Variants in MYH8 observed in about 807,000 individuals in gnomAD.
MYH8 encodes myosin-8.
MYH8 carries 168 observed loss-of-function variants against 233.2 expected under a neutral mutation model. That is an observed-to-expected ratio of 0.72 (90% CI 0.64 to 0.82). The LOEUF is 0.82. Ranked by LOEUF, MYH8 falls within the 40% of genes least tolerant of loss-of-function variation. MYH8 has a pLI of 0.00. For missense variants in MYH8, 1,995 were observed against 2,327.8 expected (o/e 0.86, Z 2.94); for synonymous variants, 785 against 850.6 (o/e 0.92, Z 1.34).
intron 34 of MYH8, among the ~76,000 whole-genome samples, chr17:10,394,832 A>G (rs1362651175): frequency 6.6e-6 from 1 of 152,194 alleles, no homozygotes; most frequent in Non-Finnish European, 1.5e-5. Flanking sequence ...AGGTTAAGTA[A>G]TTTGCTTAAA....
chr17:10,404,593 G>A lies in MYH8; in HGVS notation c.2433-8C>T, dbSNP rs1234520640. ...ATGCAGAAAAGTGCTTCTCTGCGATGACATGAAAATATCAGTGTAGACTAA... is the reference window on the plus strand; with the variant it reads ...ATGCAGAAAAGTGCTTCTCTGCGATAACATGAAAATATCAGTGTAGACTAA... On this transcript the variant is annotated splice_region_variant and splice_polypyrimidine_tract_variant and intron_variant, in intron 21 of 39. Coordinates refer to ENST00000403437, the MANE Select transcript of MYH8 (RefSeq NM_002472.3). 3.7e-6 allele frequency: 6 copies of A among 1,613,698 alleles called. No homozygotes were observed. The highest frequency in any genetic ancestry group is 1.7e-6 in the Non-Finnish European group (2 of 1,179,774).
chr17:10,409,611 G>T (rs763097850), intron 15 of MYH8, 23 bp from the exon 16 acceptor site: 1 of 1,613,618 alleles, frequency 6.2e-7, no homozygotes, highest in Admixed American at 1.7e-5. Context: ...AAGTAACATT[G>T]GTGTCAACCT....
chr17:10,418,892 T>C lies in MYH8; in HGVS notation c.349A>G (p.Ile117Val). ...AGGTGTTTACAGACACTCACGTAGA[T>C]CATCCAGGCTGCATAGCGCTCTTTG... is the stretch of plus-strand genomic sequence containing the variant. Reference protein sequence around the residue: ...NLKERYAAWMIYTYSGLFCVT... With the variant: ...NLKERYAAWMVYTYSGLFCVT... The change falls in exon 4 of 40, where the codon ATC becomes GTC. Residue 117 changes from isoleucine to valine, a missense_variant. Transcript: ENST00000403437. 6.2e-7 allele frequency: 1 copy of C among 1,614,076 alleles called. No homozygotes were observed.
chr17:10,415,819 C>T lies in MYH8; in HGVS notation c.512-111G>A, dbSNP rs963758652. 1.5e-6 allele frequency: 2 copies of T among 1,295,514 alleles called. No individual in the cohort carries two copies. The highest frequency in any genetic ancestry group is 2.5e-5 in the East Asian group (1 of 39,648). 80.3% of individuals were successfully genotyped at this position (1,295,514 alleles called of 1,614,324 possible). On this transcript the variant is annotated intron_variant, in intron 5 of 39. Coordinates refer to ENST00000403437, the MANE Select transcript of MYH8 (RefSeq NM_002472.3). This position sits in a 1 kb window ranked among gnomAD's most constrained non-coding sequence, Gnocchi z 4.1. Reference sequence around the variant, plus strand: ...TCTTTTTAACTTTTTGAAGATGTCACCTTTGGTTTTGATTTTGTGTTTATC... The same window carrying T: ...TCTTTTTAACTTTTTGAAGATGTCATCTTTGGTTTTGATTTTGTGTTTATC...
In MYH8 at chr17:10,420,017, C is replaced by T. The variant is rs777926459; in HGVS notation, c.210+1G>A. 12 of 1,613,682 alleles carry T rather than the reference C, an allele frequency of 7.4e-6. No homozygotes were observed. The highest frequency in any genetic ancestry group is 5.0e-5 in the Admixed American group (3 of 60,014). On this transcript the variant is annotated splice_donor_variant, in intron 3 of 39. Transcript: ENST00000403437. LOFTEE classifies it high-confidence loss of function. ...AGTATTTTCTCCCTGTTTTCACTTACTGCTCCACCTTCAGTCTTTACGGTT... is the reference window on the plus strand; with the variant it reads ...AGTATTTTCTCCCTGTTTTCACTTATTGCTCCACCTTCAGTCTTTACGGTT...
rs2072083896 is a variant in MYH8, at chr17:10,396,835, C to T, written c.4330G>A (p.Ala1444Thr). ...DVERSNAACA[A>T]LDKKQRNFDK... ...AAGTTCCTTTGCTTCTTATCAAGGGCTGCACAGGCTGCATTAGACCTTTCC... is the reference window on the plus strand; with the variant it reads ...AAGTTCCTTTGCTTCTTATCAAGGGTTGCACAGGCTGCATTAGACCTTTCC... The change falls in exon 31 of 40, where the codon GCC becomes ACC. Residue 1444 changes from alanine to threonine, a missense_variant. Transcript: ENST00000403437. The surrounding 1 kb of genome is among the most constrained non-coding windows in gnomAD (Gnocchi z 4.2). The T allele has an allele frequency of 6.2e-7, 1 of 1,614,110 alleles. No homozygotes were observed. The highest frequency in any genetic ancestry group is 1.7e-5 in the Admixed American group (1 of 60,008).
rs1292005101 is a variant in MYH8 at position 10,391,978 on chromosome 17, C to T, written c.5569-1G>A. 2 of 1,613,496 alleles carry T rather than the reference C, an allele frequency of 1.2e-6. No individual in the cohort carries two copies. Among genetic ancestry groups the T allele is most frequent in the Non-Finnish European group, 1.7e-6 (2 of 1,179,458 alleles). ...GAACATTCTTGCGATCTTCTTCAGT[C>T]TGAAAGTTTGAAAAAAATAATCTGC... On this transcript the variant is annotated splice_acceptor_variant, in intron 38 of 39. Transcript: ENST00000403437. LOFTEE classifies it high-confidence loss of function.
Position 10,397,123 on chromosome 17 carries a change from G to A in MYH8, c.4179-137C>T, listed in dbSNP as rs138389156. 7.3e-4 allele frequency: 797 copies of A among 1,094,372 alleles called. 2 individuals are homozygous for A. The African/African-American group carries it at 0.01, about 14-fold the overall frequency. 67.8% of individuals were successfully genotyped at this position (1,094,372 alleles called of 1,614,324 possible). On this transcript the variant is annotated intron_variant, in intron 30 of 39. Coordinates refer to ENST00000403437, the MANE Select transcript of MYH8 (RefSeq NM_002472.3). Reference sequence around the variant, plus strand: ...TTGAGAGACGGAGTCTCGCTCTGTCGCCCATGCTGGAGTGCAGTGGTGCAA... The same window carrying A: ...TTGAGAGACGGAGTCTCGCTCTGTCACCCATGCTGGAGTGCAGTGGTGCAA...
Position 10,396,427 on chromosome 17 carries a change from A to G in MYH8, c.4556T>C (p.Ile1519Thr), listed in dbSNP as rs145021815. Reference protein sequence around the residue: ...QQEISDLTEQIAEGGKQIHEL... With the variant: ...QQEISDLTEQTAEGGKQIHEL... ...ATGAATTTGCTTTCCTCCCTCTGCA[A>G]TCTGCTCAGTGAGGTCAGAAATCTC... The change falls in exon 33 of 40, where the codon ATT becomes ACT. Residue 1519 changes from isoleucine (I) to threonine (T), a missense_variant. This residue lies in a region of MYH8 where 1,498 missense variants were observed against 1,680.9 expected (regional missense o/e 0.89). Coordinates refer to ENST00000403437, the MANE Select transcript of MYH8 (RefSeq NM_002472.3). This position sits in a 1 kb window ranked among gnomAD's most constrained non-coding sequence, Gnocchi z 4.2. 19 of 1,613,916 alleles carry G rather than the reference A, an allele frequency of 1.2e-5. No individual in the cohort carries two copies. The highest frequency in any genetic ancestry group is 5.3e-5 in the African/African-American group (4 of 74,882).
At chr17:10,393,882 A>G (rs1050515502) in intron 35 of MYH8, among the ~76,000 whole-genome samples, 1 of 150,894 alleles carries the variant, frequency 6.6e-6, no homozygotes, top group African/African-American at 2.4e-5. Context: ...TGCATGGAAC[A>G]TTTTCAGATT....
rs926498053 is a variant in MYH8, at chr17:10,412,829, G to A, written c.1148-101C>T. 4 of 1,169,948 alleles carry A rather than the reference G, an allele frequency of 3.4e-6. No individual in the cohort carries two copies. In the African/African-American group the frequency reaches 4.6e-5, roughly 13 times the overall value. 72.5% of individuals were successfully genotyped at this position (1,169,948 alleles called of 1,614,324 possible). Reference sequence around the variant, plus strand: ...ATTCAATCTATTATTTAAATAAAAAGCTTAAATAATTCTATAAAAGGCCAA... The same window carrying A: ...ATTCAATCTATTATTTAAATAAAAAACTTAAATAATTCTATAAAAGGCCAA... On this transcript the variant is annotated intron_variant, in intron 12 of 39. Transcript: ENST00000403437.
Position 10,390,501 on chromosome 17 carries a change from A to G in MYH8, c.5767T>C (p.Leu1923=). The change falls in exon 40 of 40, where the codon TTG becomes CTG. Residue 1923 remains leucine, a synonymous_variant. Transcript: ENST00000403437. ...TGAACCTCTCGGCTCTTCACTCGCA[A>G]TTTGTTGACCTGGGACTCAGCAATG... is the stretch of plus-strand genomic sequence containing the variant. ...ADIAESQVNK[L]RVKSREVHTK... 3 of 1,614,132 alleles carry G rather than the reference A, an allele frequency of 1.9e-6. No individual in the cohort carries two copies. The highest frequency in any genetic ancestry group is 2.5e-6 in the Non-Finnish European group (3 of 1,180,032).
At chr17:10,407,809 A>T (rs1401736033) in intron 17 of MYH8, among the ~76,000 whole-genome samples, 1 of 152,016 alleles carries the variant, frequency 6.6e-6, no homozygotes, top group Non-Finnish European at 1.5e-5. Context: ...ACTGCACTAC[A>T]GCCTGGGTGA....
In MYH8 at chr17:10,393,359, T is replaced by C. The variant is rs1345533077; in HGVS notation, c.5167-149A>G. 6.2e-5 allele frequency: 73 copies of C among 1,169,576 alleles called. 1 individual carries two copies. The East Asian group carries it at 1.2e-3, about 19-fold the overall frequency. 72.4% of individuals were successfully genotyped at this position (1,169,576 alleles called of 1,614,324 possible). Reference sequence around the variant, plus strand: ...TTGTTCAGTGGAAAATGTTAATTATTTGCAAGGTAGGAACTCCTTTCCCCC... The same window carrying C: ...TTGTTCAGTGGAAAATGTTAATTATCTGCAAGGTAGGAACTCCTTTCCCCC... On this transcript the variant is annotated intron_variant, in intron 35 of 39. Transcript: ENST00000403437.
chr17:10,403,199 C>G (rs555793836), intron 22 of MYH8, among the ~76,000 whole-genome samples: 2 of 152,154 alleles, frequency 1.3e-5, no homozygotes, highest in East Asian at 3.9e-4. Flanking sequence ...CTTGTCCATT[C>G]CATTTGTGGC....
rs78167708 is a variant in MYH8, at chr17:10,391,771, A to C, written c.5664+111T>G. On this transcript the variant is annotated intron_variant, in intron 39 of 39. Coordinates refer to ENST00000403437, the MANE Select transcript of MYH8 (RefSeq NM_002472.3). The stretch of plus-strand genomic sequence containing the variant: ...ATATTTATAAAATCATCCCTCTTAA[A>C]ATGAGTGGTAGATTTTCACTTTGTC... 4.4e-4 allele frequency: 371 copies of C among 847,724 alleles called. 1 individual carries two copies. The African/African-American group carries it at 5.5e-3, about 13-fold the overall frequency. The allele number at this position is 847,724 out of a possible 1,614,324, so 52.5% of individuals were successfully genotyped here. A position where few individuals can be genotyped will look rare whatever the true frequency, so the allele number is the denominator to read the frequency against.
Position 10,400,528 on chromosome 17 carries a change from G to A in MYH8, c.3597C>T (p.His1199=), listed in dbSNP as rs750062327. 1.2e-6 allele frequency: 2 copies of A among 1,614,148 alleles called. No homozygotes were observed. Among genetic ancestry groups the A allele is most frequent in the South Asian group, 2.2e-5 (2 of 91,078 alleles). Residue 1199 remains histidine (H), a synonymous_variant, in exon 27 of 40, where the codon CAC becomes CAT. Coordinates refer to ENST00000403437, the MANE Select transcript of MYH8 (RefSeq NM_002472.3). The surrounding 1 kb of genome is among the most constrained non-coding windows in gnomAD (Gnocchi z 4.0). ...EAMVAALRKK[H]ADSMAELGEQ... ...CCCCAAGCTCAGCCATACTGTCTGC[G>A]TGCTTCTTCCGAAGAGCAGCCACCA...
chr17:10,405,545 G>GT (rs1382019895), intron 21 of MYH8, among the ~76,000 whole-genome samples: 1 of 152,212 alleles, frequency 6.6e-6, no homozygotes, highest in East Asian at 1.9e-4. Context: ...CAGTGTGTGT[G>GT]TAAGTAGAGG....
chr17:10,409,343 C>T lies in MYH8; in HGVS notation c.1833G>A (p.Leu611=), dbSNP rs202061555. 49 of 1,614,116 alleles carry T rather than the reference C, an allele frequency of 3.0e-5. No individual in the cohort carries two copies. The highest frequency in any genetic ancestry group is 4.5e-5 in the East Asian group (2 of 44,906). ...KDPLNDTVVG[L]YQKSAMKTLA... ...GAGTCTTCATTGCAGACTTCTGGTA[C>T]AGCCCAACCACAGTATCATTCAGGG... The change falls in exon 16 of 40, where the codon CTG becomes CTA. Residue 611 remains leucine, a synonymous_variant. Coordinates refer to ENST00000403437, the MANE Select transcript of MYH8 (RefSeq NM_002472.3).
Sources: allele counts gnomAD v4.1 joint callset (sites outside exome capture counted in the v4.1 genomes callset), GRCh38; gene constraint gnomAD v4.1.1; regional missense constraint gnomAD v4.1.1; non-coding constraint Gnocchi (gnomAD v3.1); transcripts MANE v1.5; gene names NCBI Gene and HGNC (gene_info 2026-07-23, HGNC 2026-07-21).